Variants in SPOP observed in about 807,000 individuals in gnomAD.
SPOP encodes the protein speckle-type POZ protein.
In SPOP, 11 loss-of-function variants were observed where a neutral mutation model predicts 45.6. The ratio of observed to expected loss-of-function variants is 0.24; its 90% CI spans 0.15 to 0.40. SPOP has a LOEUF of 0.40. Among genes scored for constraint, SPOP ranks in the 10% least tolerant of loss-of-function variants. The pLI, the probability that SPOP is intolerant of heterozygous loss-of-function variation, is 1.00. For synonymous variants in SPOP, 166 were observed against 166.3 expected (o/e 1.00, Z 0.01); for missense variants, 152 against 465.6 (o/e 0.33, Z 6.20).
At chr17:49,645,667 T>C (rs574668102) in intron 1 of SPOP, among the ~76,000 whole-genome samples, 6 of 152,302 alleles carry the variant, frequency 3.9e-5, no homozygotes, top group South Asian at 4.1e-4. Flanking sequence ...TAAATCCTTA[T>C]ACTTTGCCTT....
intron 1 of SPOP, among the ~76,000 whole-genome samples, chr17:49,665,622 AG>A (rs900932845): frequency 6.8e-6 from 1 of 148,138 alleles, no homozygotes; most frequent in Non-Finnish European, 1.5e-5. Context: ...TCACAAAAAA[AG>A]CAAAAAAAGA....
chr17:49,644,942 CTT>C (rs984385529), intron 1 of SPOP, among the ~76,000 whole-genome samples: 3 of 152,054 alleles, frequency 2.0e-5, no homozygotes, highest in African/African-American at 7.2e-5. Flanking sequence ...ATAAATAAAA[CTT>C]TAGCTGACAG....
chr17:49,629,707 G>T (rs907847967), intron 1 of SPOP, among the ~76,000 whole-genome samples: 4 of 152,206 alleles, frequency 2.6e-5, no homozygotes, highest in African/African-American at 9.6e-5. Flanking sequence ...TACACAGACA[G>T]CTTGTGCAGT....
intron 1 of SPOP, among the ~76,000 whole-genome samples, chr17:49,635,820 G>C (rs935890026): frequency 1.3e-5 from 2 of 151,798 alleles, no homozygotes; most frequent in African/African-American, 2.4e-5. Flanking sequence ...TTTTAGTAGA[G>C]ATGGGGTTTC....
Position 49,622,888 on chromosome 17 carries a change from C to G in SPOP, c.-66-12G>C. The G allele has an allele frequency of 8.7e-7, 1 of 1,145,164 alleles. No individual in the cohort carries two copies. The highest frequency in any genetic ancestry group is 1.3e-6 in the Non-Finnish European group (1 of 757,232). 70.9% of individuals were successfully genotyped at this position (1,145,164 alleles called of 1,614,324 possible). Reference sequence around the variant, plus strand: ...GTTCCCTCTTCACCCTGGTCAGATCCAAGAAGCAAGAAAACTTTATTAGAT... The same window carrying G: ...GTTCCCTCTTCACCCTGGTCAGATCGAAGAAGCAAGAAAACTTTATTAGAT... On this transcript the variant is annotated splice_polypyrimidine_tract_variant and intron_variant, in intron 1 of 9. Coordinates refer to ENST00000504102, the MANE Select transcript of SPOP (RefSeq NM_001007228.2).
At chr17:49,657,175 G>A (rs531568379) in intron 1 of SPOP, among the ~76,000 whole-genome samples, 31 of 150,842 alleles carry the variant, frequency 2.1e-4, no homozygotes, top group Middle Eastern at 3.4e-3. Context: ...CAGCCTGGGC[G>A]ACAGAGCAAG....
chr17:49,658,903 G>A (rs2072950344), intron 1 of SPOP, among the ~76,000 whole-genome samples: 1 of 152,162 alleles, frequency 6.6e-6, no homozygotes, highest in East Asian at 1.9e-4. Context: ...AGATCTGCTT[G>A]CAACTTTCTC....
At chr17:49,646,971 T>C (rs1252842926) in intron 1 of SPOP, among the ~76,000 whole-genome samples, 3 of 152,076 alleles carry the variant, frequency 2.0e-5, no homozygotes, top group Admixed American at 2.0e-4. Context: ...CCAATTTCAT[T>C]TTCAAGTGGC....
intron 1 of SPOP, among the ~76,000 whole-genome samples, chr17:49,644,971 T>C (rs760157876): frequency 4.6e-5 from 7 of 152,194 alleles, no homozygotes; most frequent in African/African-American, 9.6e-5. Context: ...AGTCTCTTTT[T>C]GTTTGGCTTT....
rs754562658 is a variant in SPOP, at chr17:49,611,380, C to T, written c.558G>A (p.Leu186=). The T allele has an allele frequency of 5.1e-5, 82 of 1,614,066 alleles. No individual in the cohort carries two copies. The highest frequency in any genetic ancestry group is 6.5e-5 in the Non-Finnish European group (77 of 1,180,040). The change falls in exon 6 of 10, where the codon CTG becomes CTA. Residue 186 remains leucine (L), a synonymous_variant. Coordinates refer to ENST00000504102, the MANE Select transcript of SPOP (RefSeq NM_001007228.2). ...MNMVKVPECR[L]ADELGGLWEN... ...CCCACAGTCCTCCTAACTCATCTGC[C>T]AGCCGGCACTCAGGAACCTTTACCA...
At chr17:49,611,058 TG>T (rs1298674317) in intron 6 of SPOP, among the ~76,000 whole-genome samples, 37 of 152,098 alleles carry the variant, frequency 2.4e-4, no homozygotes, top group African/African-American at 8.7e-4. Context: ...GCCTTGAAAA[TG>T]ATGGCCTAGG....
intron 1 of SPOP, among the ~76,000 whole-genome samples, chr17:49,638,095 C>T (rs966179478): frequency 1.3e-5 from 2 of 152,180 alleles, no homozygotes; most frequent in African/African-American, 4.8e-5. Flanking sequence ...AAAGAGGTTC[C>T]TGTTGAAGAC....
Position 49,622,825 on chromosome 17 carries a change from T to C in SPOP, c.-15A>G, listed in dbSNP as rs779298365. ...ACCCTTGACATCGCCAGTTTGAAGG[T>C]TAAACGAGATTTCCAAAGTCAGGGG... On this transcript the variant is annotated 5_prime_UTR_variant, in exon 2 of 10. Transcript: ENST00000504102. 1 of 1,612,386 alleles carries C rather than the reference T, an allele frequency of 6.2e-7. No individual in the cohort carries two copies. The highest frequency in any genetic ancestry group is 8.5e-7 in the Non-Finnish European group (1 of 1,178,462).
intron 1 of SPOP, among the ~76,000 whole-genome samples, chr17:49,669,709 G>A (rs189293477): frequency 2.2e-5 from 3 of 138,558 alleles, no homozygotes; most frequent in African/African-American, 8.1e-5. Flanking sequence ...AGGTTGCAGT[G>A]AGCCGAGATC....
intron 1 of SPOP, among the ~76,000 whole-genome samples, chr17:49,671,385 A>C (rs1458861218): frequency 2.6e-5 from 4 of 151,816 alleles, no homozygotes; most frequent in African/African-American, 9.7e-5. Flanking sequence ...AAAGGGAAGA[A>C]AATGTCATAT....
At position 49,640,704 on chromosome 17, in the gene SPOP, G is replaced by A. The variant is rs1382914250; in HGVS notation, c.-66-17828C>T. 2.0e-5 allele frequency among the ~76,000 whole-genome samples: 3 copies of A among 152,124 alleles called. No homozygotes were observed. The East Asian group carries it at 5.8e-4, about 29-fold the overall frequency. ...TCCCTCTGAGTGAAAGCCTTACAAT[G>A]GCCAAAAGGGTCCTGCACAATCTGG... On this transcript the variant is annotated intron_variant, in intron 1 of 9. Coordinates refer to ENST00000504102, the MANE Select transcript of SPOP (RefSeq NM_001007228.2).
At chr17:49,616,082 A>G (rs1029149743) in intron 5 of SPOP, among the ~76,000 whole-genome samples, 4 of 152,238 alleles carry the variant, frequency 2.6e-5, no homozygotes, top group Admixed American at 2.6e-4. Context: ...GTCTACAGTC[A>G]TATCACCCTG....
At chr17:49,670,055 T>G (rs1177671177) in intron 1 of SPOP, among the ~76,000 whole-genome samples, 1 of 152,184 alleles carries the variant, frequency 6.6e-6, no homozygotes, top group Non-Finnish European at 1.5e-5. Flanking sequence ...GTCTCCATGG[T>G]CAAGAAGGTG....
At chr17:49,674,159 A>G (rs1208217536) in intron 1 of SPOP, among the ~76,000 whole-genome samples, 1 of 152,174 alleles carries the variant, frequency 6.6e-6, no homozygotes, top group Admixed American at 6.5e-5. Flanking sequence ...AAAAAAAATA[A>G]ATAAATAAAT....
Sources: gnomAD v4.1 joint callset for allele counts (sites outside exome capture counted in the v4.1 genomes callset) on GRCh38, gnomAD v4.1.1 for gene constraint, MANE v1.5 for transcripts, NCBI Gene and HGNC (gene_info 2026-07-23, HGNC 2026-07-21) for gene names.